The following CUL9 variants were observed in gnomAD, a reference collection of about 807,000 sequenced individuals.
CUL9 encodes the protein cullin-9.
A neutral mutation model predicts 272.6 loss-of-function variants in CUL9; 79 were observed. The observed-to-expected ratio is 0.29, with a 90% confidence interval of 0.24 to 0.35. CUL9 has a LOEUF of 0.35. Ranked by LOEUF, CUL9 falls within the 10% of genes least tolerant of loss-of-function variation. CUL9 has a pLI of 1.00. For synonymous variants in CUL9, 1,186 were observed against 1,286.5 expected, an observed-to-expected ratio of 0.92 and a Z score of 1.67; for missense variants, 2,532 against 3,255.6, an observed-to-expected ratio of 0.78 and a Z score of 5.41.
intron 23 of CUL9, 60 bp from the exon 24 acceptor site, chr6:43,205,203 C>T: frequency 6.3e-7 from 1 of 1,594,904 alleles, no homozygotes; most frequent in African/African-American, 1.3e-5. Flanking sequence ...CTTTCGCTCC[C>T]CAGTCTCCTA....
At chr6:43,190,932 C>T (rs1773404954) in intron 8 of CUL9, among the ~76,000 whole-genome samples, 1 of 152,084 alleles carries the variant, frequency 6.6e-6, no homozygotes, top group Non-Finnish European at 1.5e-5. Flanking sequence ...ATCAGCATTT[C>T]CACTGGCCCC....
intron 11 of CUL9, 195 bp from the exon 12 acceptor site, chr6:43,198,413 GT>G (rs968279420): frequency 5.1e-6 from 5 of 975,892 alleles, no homozygotes; most frequent in Non-Finnish European, 6.1e-6. Context: ...GCTATACTAG[GT>G]TTTTTTTTCA....
rs955926138 is a variant in CUL9, at chr6:43,223,070, T to G, written c.7150+174T>G. 5 of 930,564 alleles carry G rather than the reference T, an allele frequency of 5.4e-6. No individual in the cohort carries two copies. The highest frequency in any genetic ancestry group is 8.1e-6 in the Non-Finnish European group (5 of 620,712). The allele number at this position is 930,564 out of a possible 1,614,324, so 57.6% of individuals were successfully genotyped here. A position where few individuals can be genotyped will look rare whatever the true frequency, so the allele number is the denominator to read the frequency against. Reference sequence around the variant, plus strand: ...TAAAGCTCAGGTCGAAAGCCTACATTGTAAGGTGCCCAAGGGCGCAGATGT... The same window carrying G: ...TAAAGCTCAGGTCGAAAGCCTACATGGTAAGGTGCCCAAGGGCGCAGATGT... On this transcript the variant is annotated intron_variant, in intron 38 of 40. Coordinates refer to ENST00000252050, the MANE Select transcript of CUL9 (RefSeq NM_015089.4). The surrounding 1 kb of genome is among the most constrained non-coding windows in gnomAD (Gnocchi z 4.1).
rs1774329867 is a variant in CUL9, at chr6:43,199,438, C to T, written c.3156+67C>T. 1 of 1,238,622 alleles carries T rather than the reference C, an allele frequency of 8.1e-7. No homozygotes were observed. The highest frequency in any genetic ancestry group is 1.2e-6 in the Non-Finnish European group (1 of 842,450). 76.7% of individuals were successfully genotyped at this position (1,238,622 alleles called of 1,614,324 possible). A position where few individuals can be genotyped will look rare whatever the true frequency, so the allele number is the denominator to read the frequency against. On this transcript the variant is annotated intron_variant, in intron 13 of 40. Coordinates refer to ENST00000252050, the MANE Select transcript of CUL9 (RefSeq NM_015089.4). The surrounding 1 kb of genome is among the most constrained non-coding windows in gnomAD (Gnocchi z 4.4). ...TCTGGGGCACCAACTCCTTGTGAGG[C>T]TCTGGAGGGCACAGCAGAGCCTTTC...
At chr6:43,219,348 C>T (rs925208869) in intron 31 of CUL9, among the ~76,000 whole-genome samples, 2 of 152,144 alleles carry the variant, frequency 1.3e-5, no homozygotes, top group African/African-American at 4.8e-5. Context: ...CAGGGTGAGC[C>T]CCACCACTTG....
chr6:43,204,327 A>G (rs1774873081), intron 20 of CUL9, 33 bp from the exon 21 acceptor site: 2 of 1,608,786 alleles, frequency 1.2e-6, no homozygotes, highest in South Asian at 2.2e-5. Flanking sequence ...CCCATCTCCC[A>G]TGGAGACCTG....
chr6:43,199,326 G>A lies in CUL9; in HGVS notation c.3111G>A (p.Leu1037=). Residue 1037 remains leucine, a synonymous_variant, in exon 13 of 41, where the codon TTG becomes TTA. Transcript: ENST00000252050. The surrounding 1 kb of genome is among the most constrained non-coding windows in gnomAD (Gnocchi z 4.4). The stretch of plus-strand genomic sequence containing the variant: ...TGGTCCTCCCCTGGCACGAGGTCTT[G>A]GAGCCCTGCCTCAACTGCCTGAGTG... ...EAMVLPWHEV[L]EPCLNCLSGP... 2 of 1,613,640 alleles carry A rather than the reference G, an allele frequency of 1.2e-6. No homozygotes were observed. The highest frequency in any genetic ancestry group is 1.1e-5 in the South Asian group (1 of 91,076).
intron 26 of CUL9, among the ~76,000 whole-genome samples, chr6:43,208,744 G>A (rs1164999258): frequency 6.6e-6 from 1 of 152,168 alleles, no homozygotes; most frequent in South Asian, 2.1e-4. Flanking sequence ...TGCATGGAGA[G>A]AAGTTCTTAA....
chr6:43,223,537 C>G lies in CUL9; in HGVS notation c.7284+140C>G. On this transcript the variant is annotated intron_variant, in intron 39 of 40. Transcript: ENST00000252050. The surrounding 1 kb of genome is among the most constrained non-coding windows in gnomAD (Gnocchi z 4.1). ...TGAATGGATGTTAGACCTGGGCGCA[C>G]ATCCCGGCTTTTGGGCCAACCTGCC... 8.1e-7 allele frequency: 1 copy of G among 1,233,440 alleles called. No individual in the cohort carries two copies. The highest frequency in any genetic ancestry group is 1.1e-6 in the Non-Finnish European group (1 of 905,566). 76.4% of individuals were successfully genotyped at this position (1,233,440 alleles called of 1,614,324 possible). A position where few individuals can be genotyped will look rare whatever the true frequency, so the allele number is the denominator to read the frequency against.
rs199842462 is a variant in CUL9, at chr6:43,210,585, CT to C, written c.5213-2563del. ...TATTCTAATTTTGTTAGAATTTCCC[CT>C]GGGATTGTTTTGCTTTTAACTTTGC... On this transcript the variant is annotated intron_variant, in intron 26 of 40. Transcript: ENST00000252050. Among the ~76,000 whole-genome samples, 31 of 152,284 alleles carry C rather than the reference CT, an allele frequency of 2.0e-4. 1 individual carries two copies. The East Asian group carries it at 5.0e-3, about 25-fold the overall frequency.
At chr6:43,210,034 A>G (rs1398533238) in intron 26 of CUL9, among the ~76,000 whole-genome samples, 1 of 151,114 alleles carries the variant, frequency 6.6e-6, no homozygotes, top group East Asian at 1.9e-4. Context: ...CTGGTGTGCA[A>G]TGGTGCGATC....
chr6:43,184,691 C>T lies in CUL9; in HGVS notation c.381C>T (p.Ala127=), dbSNP rs754454676. 3 of 1,613,352 alleles carry T rather than the reference C, an allele frequency of 1.9e-6. No homozygotes were observed. In the South Asian group the frequency reaches 3.3e-5, roughly 18 times the overall value. Residue 127 remains alanine (A), a synonymous_variant, in exon 2 of 41, where the codon GCC becomes GCT. Coordinates refer to ENST00000252050, the MANE Select transcript of CUL9 (RefSeq NM_015089.4). The surrounding 1 kb of genome is among the most constrained non-coding windows in gnomAD (Gnocchi z 4.8). ...ADVQALVRRA[A]RQLAESGTPS... Reference sequence around the variant, plus strand: ...TTCAGGCGCTGGTACGCAGGGCGGCCAGGCAGCTGGCAGAAAGTGGGACCC... The same window carrying T: ...TTCAGGCGCTGGTACGCAGGGCGGCTAGGCAGCTGGCAGAAAGTGGGACCC...
Position 43,218,278 on chromosome 6 carries a change from G to A in CUL9, c.6282+1775G>A, listed in dbSNP as rs577954911. On this transcript the variant is annotated intron_variant, in intron 31 of 40. Coordinates refer to ENST00000252050, the MANE Select transcript of CUL9 (RefSeq NM_015089.4). The surrounding 1 kb of genome is among the most constrained non-coding windows in gnomAD (Gnocchi z 4.4). ...GTCACCCAGGCTGCAGTGCAGTGGC[G>A]CGATCTCGGCTCATTGCAACCTCCA... Among the ~76,000 whole-genome samples the A allele has an allele frequency of 6.6e-6, 1 of 151,878 alleles. No homozygotes were observed. Among genetic ancestry groups the A allele is most frequent in the African/African-American group, 2.4e-5 (1 of 41,330 alleles).
At chr6:43,186,790 A>G (rs887518563) in intron 4 of CUL9, 170 bp from the exon 5 acceptor site, 5 of 781,360 alleles carry the variant, frequency 6.4e-6, no homozygotes, top group Middle Eastern at 3.7e-4. Context: ...ACTCCTGATA[A>G]GGGAAGGAAG....
In CUL9 at chr6:43,199,425, A is replaced by C. The variant is rs1015945465; in HGVS notation, c.3156+54A>C. The stretch of plus-strand genomic sequence containing the variant: ...GGGAAGGGCAGCATCTGGGGCACCA[A>C]CTCCTTGTGAGGCTCTGGAGGGCAC... On this transcript the variant is annotated intron_variant, in intron 13 of 40. Transcript: ENST00000252050. The surrounding 1 kb of genome is among the most constrained non-coding windows in gnomAD (Gnocchi z 4.4). 24 of 1,400,328 alleles carry C rather than the reference A, an allele frequency of 1.7e-5. No homozygotes were observed. The highest frequency in any genetic ancestry group is 2.2e-5 in the Non-Finnish European group (22 of 988,472). The allele number at this position is 1,400,328 out of a possible 1,614,324, so 86.7% of individuals were successfully genotyped here. A position where few individuals can be genotyped will look rare whatever the true frequency, so the allele number is the denominator to read the frequency against.
intron 9 of CUL9, among the ~76,000 whole-genome samples, chr6:43,193,712 G>A (rs971781523): frequency 5.9e-5 from 9 of 152,014 alleles, no homozygotes. Context: ...CCCAGGCCAG[G>A]GTTAAGAATG....
rs1775939791 is a variant in CUL9, at chr6:43,216,468, C to G, written c.6247C>G (p.Leu2083Val). The G allele has an allele frequency of 1.2e-6, 2 of 1,602,620 alleles. No individual in the cohort carries two copies. The highest frequency in any genetic ancestry group is 1.7e-6 in the Non-Finnish European group (2 of 1,170,822). ...GAGCCCCCTGGGGTGTGACGACGAC[C>G]TGCCCTCTCTCTGCTGCATGCACTA... ...CVSPLGCDDDLPSLCCMHYCC... is the reference protein window; with the variant it reads ...CVSPLGCDDDVPSLCCMHYCC... Residue 2083 changes from leucine (L) to valine (V), a missense_variant, in exon 31 of 41, where the codon CTG (leucine) becomes GTG (valine). By Grantham distance (32) the Leu-to-Val change is conservative (BLOSUM62 1). Transcript: ENST00000252050.
chr6:43,194,566 G>T (rs1465162121), intron 9 of CUL9, among the ~76,000 whole-genome samples: 1 of 151,424 alleles, frequency 6.6e-6, no homozygotes, highest in Non-Finnish European at 1.5e-5. Context: ...TGATCTGCCC[G>T]CCTCAGTCTC....
At chr6:43,202,175 C>A (rs911633143) in intron 16 of CUL9, among the ~76,000 whole-genome samples, 2 of 152,014 alleles carry the variant, frequency 1.3e-5, no homozygotes, top group African/African-American at 2.4e-5. Flanking sequence ...ACTGAGTGCA[C>A]GGAAGTTTTA....
Sources: gnomAD v4.1 joint callset for allele counts (sites outside exome capture counted in the v4.1 genomes callset) on GRCh38, gnomAD v4.1.1 for gene constraint, Gnocchi (gnomAD v3.1) non-coding constraint, MANE v1.5 for transcripts, NCBI Gene and HGNC (gene_info 2026-07-23, HGNC 2026-07-21) for gene names.